Variants in GRHL2 observed in about 807,000 individuals in gnomAD.
GRHL2 encodes grainyhead like transcription factor 2.
A neutral mutation model predicts 83.8 loss-of-function variants in GRHL2; 21 were observed. The ratio of observed to expected loss-of-function variants is 0.25; its 90% CI spans 0.18 to 0.36. The LOEUF (loss-of-function observed/expected upper bound fraction) is 0.36. Ranked by LOEUF, GRHL2 falls within the 10% of genes least tolerant of loss-of-function variation. The pLI, the probability that GRHL2 is intolerant of heterozygous loss-of-function variation, is 1.00. For missense variants in GRHL2, 623 were observed against 781.8 expected, an observed-to-expected ratio of 0.80 and a Z score of 2.42; for synonymous variants, 280 against 278.9, an observed-to-expected ratio of 1.00 and a Z score of -0.04.
At position 101,625,474 on chromosome 8, in the gene GRHL2, T is replaced by C. The variant is rs370379271; in HGVS notation, c.1257+5777T>C. 2.2e-4 allele frequency among the ~76,000 whole-genome samples: 33 copies of C among 152,248 alleles called. No homozygotes were observed. The East Asian group carries it at 6.2e-3, about 28-fold the overall frequency. On this transcript the variant is annotated intron_variant, in intron 9 of 15. Transcript: ENST00000646743. Reference sequence around the variant, plus strand: ...GGCAGAGACAATTATTGATTGATTATACCTTTTGTTTGAAAATATTTTTAT... The same window carrying C: ...GGCAGAGACAATTATTGATTGATTACACCTTTTGTTTGAAAATATTTTTAT...
At chr8:101,600,223 C>T (rs1310647731) in intron 8 of GRHL2, among the ~76,000 whole-genome samples, 2 of 152,128 alleles carry the variant, frequency 1.3e-5, no homozygotes, top group Non-Finnish European at 2.9e-5. Flanking sequence ...GATAGAGTGC[C>T]CGTACAGCCT....
intron 8 of GRHL2, among the ~76,000 whole-genome samples, chr8:101,601,173 C>T (rs935255544): frequency 9.0e-6 from 1 of 111,580 alleles, no homozygotes; most frequent in Admixed American, 8.5e-5. Context: ...CACACACACA[C>T]ACACACACAC....
chr8:101,577,573 C>A, intron 7 of GRHL2, 54 bp downstream of exon 7: 1 of 1,213,040 alleles, frequency 8.2e-7, no homozygotes, highest in Non-Finnish European at 1.2e-6. Flanking sequence ...CATGTTGTCT[C>A]AATGCCAAGG....
chr8:101,533,966 A>T (rs1275967608), intron 1 of GRHL2, among the ~76,000 whole-genome samples: 1 of 152,118 alleles, frequency 6.6e-6, no homozygotes, highest in East Asian at 1.9e-4. Context: ...CTAAAGGAAA[A>T]GGGGAGTCAT....
At chr8:101,567,712 C>T (rs1811744131) in intron 4 of GRHL2, among the ~76,000 whole-genome samples, 1 of 152,126 alleles carries the variant, frequency 6.6e-6, no homozygotes, top group African/African-American at 2.4e-5. Context: ...AAGTGGGATT[C>T]TGTATTTCAG....
chr8:101,631,802 G>A, intron 10 of GRHL2, 78 bp downstream of exon 10: 5 of 1,204,152 alleles, frequency 4.2e-6, no homozygotes, highest in Non-Finnish European at 6.2e-6. Flanking sequence ...GGTGGAAGAA[G>A]TGGGTTGCAG....
At chr8:101,634,344 G>A (rs986751140) in intron 11 of GRHL2, among the ~76,000 whole-genome samples, 2 of 152,180 alleles carry the variant, frequency 1.3e-5, no homozygotes, top group African/African-American at 4.8e-5. Context: ...AAGGAAAGGA[G>A]CTTGGACAGT....
chr8:101,573,385 G>T (rs1285941959), intron 5 of GRHL2, among the ~76,000 whole-genome samples: 1 of 152,042 alleles, frequency 6.6e-6, no homozygotes, highest in Non-Finnish European at 1.5e-5. Flanking sequence ...ATCTACCAGG[G>T]GTTCTCCTGG....
At chr8:101,516,336 ATAG>A (rs1481566991) in intron 1 of GRHL2, among the ~76,000 whole-genome samples, 1 of 152,122 alleles carries the variant, frequency 6.6e-6, no homozygotes, top group Admixed American at 6.5e-5. Context: ...TCTGTAAAAA[ATAG>A]TAGTTTCCCC....
At chr8:101,674,069 G>C (rs1215401444), downstream of GRHL2, among the ~76,000 whole-genome samples, 1 of 151,876 alleles carries the variant, frequency 6.6e-6, no homozygotes, top group Non-Finnish European at 1.5e-5. Flanking sequence ...TGTGTAGAGG[G>C]AAATTTATAG....
At position 101,612,520 on chromosome 8, in the gene GRHL2, G is replaced by GATAGATAGATAGATACATAC. The variant is rs371662487; in HGVS notation, c.1099-7016_1099-7015insGATAGATAGATACATACATA. On this transcript the variant is annotated intron_variant, in intron 8 of 15. Coordinates refer to ENST00000646743, the MANE Select transcript of GRHL2 (RefSeq NM_024915.4). ...AGATAGATAGATAGATAGATAGATA[G>GATAGATAGATAGATACATAC]ATACATACATACATACATACATACA... 5.0e-3 allele frequency among the ~76,000 whole-genome samples: 614 copies of GATAGATAGATAGATACATAC among 123,742 alleles called. 3 individuals are homozygous for GATAGATAGATAGATACATAC. The highest frequency in any genetic ancestry group is 6.6e-3 in the Non-Finnish European group (398 of 59,896). The allele number at this position is 123,742 out of a possible 152,430, so 81.2% of individuals were successfully genotyped here. A position where few individuals can be genotyped will look rare whatever the true frequency, so the allele number is the denominator to read the frequency against.
intron 2 of GRHL2, among the ~76,000 whole-genome samples, chr8:101,546,992 A>G (rs564718650): frequency 6.6e-6 from 1 of 152,342 alleles, no homozygotes; most frequent in South Asian, 2.1e-4. Context: ...AGAGTTACAT[A>G]GCTTCTTTTA....
intron 14 of GRHL2, among the ~76,000 whole-genome samples, chr8:101,655,075 G>A (rs558129558): frequency 1.3e-5 from 2 of 152,138 alleles, no homozygotes; most frequent in African/African-American, 2.4e-5. Context: ...CCAGCTACTC[G>A]GGAGGCTGAA....
chr8:101,516,702 C>T (rs561445895), intron 1 of GRHL2, among the ~76,000 whole-genome samples: 4 of 152,268 alleles, frequency 2.6e-5, no homozygotes, highest in South Asian at 2.1e-4. Flanking sequence ...CCACCGCACC[C>T]GGACCTATTA....
chr8:101,559,449 C>T (rs1811561952), intron 4 of GRHL2, among the ~76,000 whole-genome samples: 1 of 151,316 alleles, frequency 6.6e-6, no homozygotes, highest in African/African-American at 2.4e-5. Flanking sequence ...AGAATCGCTT[C>T]AACCCGGGAG....
At chr8:101,507,563 AAAGAT>A (rs536873894) in intron 1 of GRHL2, among the ~76,000 whole-genome samples, 5 of 152,274 alleles carry the variant, frequency 3.3e-5, no homozygotes, top group South Asian at 4.1e-4. Flanking sequence ...CTATGTATGA[AAAGAT>A]AAGATAGTGA....
At chr8:101,564,677 T>A (rs970185055) in intron 4 of GRHL2, among the ~76,000 whole-genome samples, 3 of 151,894 alleles carry the variant, frequency 2.0e-5, no homozygotes, top group African/African-American at 7.3e-5. Flanking sequence ...CTAGGTGTGG[T>A]GGCATGCACC....
At chr8:101,500,198 A>G (rs559871076) in intron 1 of GRHL2, among the ~76,000 whole-genome samples, 49 of 152,306 alleles carry the variant, frequency 3.2e-4, no homozygotes, top group South Asian at 1.2e-3. Flanking sequence ...TCCAGGGAAA[A>G]TTCCTTAATG....
intron 14 of GRHL2, among the ~76,000 whole-genome samples, chr8:101,652,354 GTGTGGT>G (rs1255432842): frequency 0.036 from 3,483 of 96,260 alleles, 84 homozygotes; most frequent in South Asian, 0.053. Context: ...TGTGTGGTGT[GTGTGGT>G]GTGTGTGTGT....
Sources: allele counts gnomAD v4.1 joint callset (sites outside exome capture counted in the v4.1 genomes callset), GRCh38; gene constraint gnomAD v4.1.1; transcripts MANE v1.5; gene names NCBI Gene and HGNC (gene_info 2026-07-23, HGNC 2026-07-21).